RPH3AL: variants seen among roughly 807,000 people sequenced by gnomAD.
RPH3AL encodes rab effector Noc2.
In RPH3AL, 38 loss-of-function variants were observed where a neutral mutation model predicts 43.1. That is an observed-to-expected ratio of 0.88 (90% CI 0.68 to 1.15). The LOEUF is 1.15. Among genes scored for constraint, RPH3AL ranks in the 50% most tolerant of loss-of-function variants. RPH3AL has a pLI of 0.00. For missense variants in RPH3AL, 462 were observed against 423.2 expected (o/e 1.09, Z -0.81); for synonymous variants, 189 against 176.3 (o/e 1.07, Z -0.57).
chr17:341,732 G>C (rs186646201), intron 1 of RPH3AL, among the ~76,000 whole-genome samples: 142 of 152,146 alleles, frequency 9.3e-4, no homozygotes, highest in Non-Finnish European at 1.6e-3. Flanking sequence ...TAATTTTTTT[G>C]AGACGGGGTA....
At chr17:263,822 C>G (rs977735333) in intron 6 of RPH3AL, among the ~76,000 whole-genome samples, 2 of 152,192 alleles carry the variant, frequency 1.3e-5, no homozygotes, top group African/African-American at 2.4e-5. Context: ...CCGACACTCC[C>G]GTCCCTGAAG....
At chr17:337,104 A>C (rs903930657) in intron 1 of RPH3AL, among the ~76,000 whole-genome samples, 2 of 143,424 alleles carry the variant, frequency 1.4e-5, no homozygotes. Context: ...AACTACGTAC[A>C]TCGGTTACGC....
intron 5 of RPH3AL, among the ~76,000 whole-genome samples, chr17:284,992 C>T (rs942290850): frequency 6.6e-5 from 10 of 152,182 alleles, no homozygotes; most frequent in African/African-American, 2.4e-4. Context: ...CTCAGGACCT[C>T]ATCTGATCCC....
chr17:331,603 C>G, intron 2 of RPH3AL: 1 of 1,286,128 alleles, frequency 7.8e-7, no homozygotes, highest in South Asian at 1.2e-5. Context: ...TTTTAGGAAA[C>G]TGCCCACGGA....
At chr17:347,725 A>G (rs2045267729) in intron 1 of RPH3AL, among the ~76,000 whole-genome samples, 1 of 152,232 alleles carries the variant, frequency 6.6e-6, no homozygotes, top group African/African-American at 2.4e-5. Flanking sequence ...AGTTATCTCT[A>G]TTCAAGAACC....
At chr17:224,811 G>C (rs986471885) in intron 7 of RPH3AL, among the ~76,000 whole-genome samples, 1 of 152,178 alleles carries the variant, frequency 6.6e-6, no homozygotes, top group African/African-American at 2.4e-5. Context: ...CATGTCCTTT[G>C]TAGGGACATG....
chr17:262,779 C>T (rs1270318731), intron 6 of RPH3AL, among the ~76,000 whole-genome samples: 1 of 152,180 alleles, frequency 6.6e-6, no homozygotes, highest in Non-Finnish European at 1.5e-5. Flanking sequence ...TTCCCCCTGC[C>T]CTAAATCAGT....
intron 6 of RPH3AL, among the ~76,000 whole-genome samples, chr17:250,988 A>G (rs553356800): frequency 4.9e-4 from 74 of 152,352 alleles, no homozygotes; most frequent in African/African-American, 1.7e-3. Context: ...CGTGCTCTCT[A>G]CCCGCAATCT....
rs1185945784 is a variant in RPH3AL, at chr17:245,307, GTGTGGA to G, written c.613+1798_613+1803del. Among the ~76,000 whole-genome samples, 1 of 151,600 alleles carries G rather than the reference GTGTGGA, an allele frequency of 6.6e-6. No homozygotes were observed. The highest frequency in any genetic ancestry group is 2.4e-5 in the African/African-American group (1 of 41,296). ...TACGTGGGTGTGTGTGTGGATGTGT[GTGTGGA>G]TGTGGATGTCAGTGTGTGTGTGTGG... On this transcript the variant is annotated intron_variant, in intron 7 of 9. Coordinates refer to ENST00000331302, the MANE Select transcript of RPH3AL (RefSeq NM_006987.4). This position sits in a 1 kb window ranked among gnomAD's most constrained non-coding sequence, Gnocchi z 5.9.
intron 5 of RPH3AL, among the ~76,000 whole-genome samples, chr17:314,525 TGTGA>T (rs1348626904): frequency 3.8e-5 from 5 of 132,732 alleles, no homozygotes; most frequent in Admixed American, 7.6e-5. Context: ...CTGTAGTCCC[TGTGA>T]CTCCACCTCC....
chr17:290,722 C>T lies in RPH3AL; in HGVS notation c.352-8868G>A, dbSNP rs1468225605. ...TCATGATGAGGAATTCCACCACGCT[C>T]CCGCAGATCAGAAGACGGGAAGGGG... On this transcript the variant is annotated intron_variant, in intron 5 of 9. Coordinates refer to ENST00000331302, the MANE Select transcript of RPH3AL (RefSeq NM_006987.4). This position sits in a 1 kb window ranked among gnomAD's most constrained non-coding sequence, Gnocchi z 4.2. Among the ~76,000 whole-genome samples, 1 of 152,176 alleles carries T rather than the reference C, an allele frequency of 6.6e-6. No homozygotes were observed. The highest frequency in any genetic ancestry group is 1.5e-5 in the Non-Finnish European group (1 of 68,032).
intron 1 of RPH3AL, chr17:341,102 C>T (rs916001084): frequency 1.4e-5 from 2 of 143,652 alleles, no homozygotes; most frequent in African/African-American, 5.4e-5. Flanking sequence ...CCAGGCCTCC[C>T]CACATCCACA....
rs529148896 is a variant in RPH3AL at position 263,442 on chromosome 17, C to T, written c.439-16157G>A. On this transcript the variant is annotated intron_variant, in intron 6 of 9. Coordinates refer to ENST00000331302, the MANE Select transcript of RPH3AL (RefSeq NM_006987.4). ...AAGAAAGGCACGGCAGGATCCAGCA[C>T]GTGGACGAACAGGCAGCAGCGGGTG... is the stretch of plus-strand genomic sequence containing the variant. 1.6e-4 allele frequency among the ~76,000 whole-genome samples: 25 copies of T among 152,298 alleles called. No individual in the cohort carries two copies. In the East Asian group the frequency reaches 4.4e-3, roughly 27 times the overall value.
At chr17:325,772 T>G (rs12602729) in intron 3 of RPH3AL, among the ~76,000 whole-genome samples, 112,354 of 152,124 alleles carry the variant, frequency 0.74, 41,709 homozygotes, top group Middle Eastern at 0.83. Flanking sequence ...ATAGTAGGGG[T>G]TTAGAAAACA....
intron 7 of RPH3AL, among the ~76,000 whole-genome samples, chr17:235,047 G>A (rs1430568998): frequency 6.6e-6 from 1 of 152,260 alleles, no homozygotes; most frequent in African/African-American, 2.4e-5. Flanking sequence ...CAGCCACAGG[G>A]CTGCTTATTA....
intron 7 of RPH3AL, among the ~76,000 whole-genome samples, chr17:223,082 C>T (rs772546363): frequency 6.6e-6 from 1 of 151,558 alleles, no homozygotes. Flanking sequence ...CCCAGCTACT[C>T]GGGAGGCTGA....
At chr17:331,928 A>T in intron 2 of RPH3AL, 1 of 1,234,068 alleles carries the variant, frequency 8.1e-7, no homozygotes, top group South Asian at 1.3e-5. Flanking sequence ...GGCCTTATAG[A>T]AGGTGAGTGG....
At position 215,647 on chromosome 17, in the gene RPH3AL, T is replaced by C; in HGVS notation, c.876+7A>G. ...GAGAGGGGAGAAGGCAGCAGTTGGG[T>C]ACTCACCGGGGCCCTTCGGGTCAGC... On this transcript the variant is annotated splice_region_variant and intron_variant, in intron 9 of 9. Transcript: ENST00000331302. The surrounding 1 kb of genome is among the most constrained non-coding windows in gnomAD (Gnocchi z 4.1). 7.9e-7 allele frequency: 1 copy of C among 1,273,636 alleles called. No homozygotes were observed. Among genetic ancestry groups the C allele is most frequent in the Non-Finnish European group, 1.0e-6 (1 of 1,004,994 alleles). 78.9% of individuals were successfully genotyped at this position (1,273,636 alleles called of 1,614,324 possible).
chr17:275,589 C>G (rs760271611), intron 6 of RPH3AL, among the ~76,000 whole-genome samples: 1 of 152,170 alleles, frequency 6.6e-6, no homozygotes, highest in Non-Finnish European at 1.5e-5. Flanking sequence ...CCATAAGCTC[C>G]CAGGCTGGAG....
Sources: gnomAD v4.1 joint callset for allele counts (sites outside exome capture counted in the v4.1 genomes callset) on GRCh38, gnomAD v4.1.1 for gene constraint, Gnocchi (gnomAD v3.1) non-coding constraint, MANE v1.5 for transcripts, NCBI Gene and HGNC (gene_info 2026-07-23, HGNC 2026-07-21) for gene names.